CHST9: variants seen among roughly 807,000 people sequenced by gnomAD.
CHST9 encodes the protein carbohydrate sulfotransferase 9.
CHST9 carries 41 observed loss-of-function variants against 44.4 expected under a neutral mutation model. The observed-to-expected ratio is 0.92, with a 90% CI of 0.72 to 1.20. The LOEUF is 1.20. CHST9 is among the 50% of genes most tolerant of loss of function. The probability of loss-of-function intolerance (pLI) is 0.00; values close to 1 mark genes in which losing one functional copy is unlikely to be tolerated. For synonymous variants in CHST9, 171 were observed against 178.4 expected (o/e 0.96, Z 0.33); for missense variants, 504 against 516.5 (o/e 0.98, Z 0.23).
At chr18:27,086,142 A>G (rs7237325) in intron 2 of CHST9, among the ~76,000 whole-genome samples, 14,420 of 152,174 alleles carry the variant, frequency 0.095, 703 homozygotes, top group East Asian at 0.14. Flanking sequence ...GGAGGGTAAG[A>G]GTCTAAAAAC....
At chr18:26,987,693 C>A (rs2056770291) in intron 4 of CHST9, among the ~76,000 whole-genome samples, 1 of 152,100 alleles carries the variant, frequency 6.6e-6, no homozygotes, top group Admixed American at 6.6e-5. Flanking sequence ...GAAACCTAAC[C>A]CCAAAGGTAA....
chr18:26,919,258 C>T (rs1252938198), intron 5 of CHST9, among the ~76,000 whole-genome samples: 2 of 152,174 alleles, frequency 1.3e-5, no homozygotes, highest in African/African-American at 4.8e-5. Flanking sequence ...CCAAATCTTC[C>T]ATACCATTGG....
chr18:27,147,370 A>T (rs1446194526), intron 1 of CHST9, among the ~76,000 whole-genome samples: 1 of 152,066 alleles, frequency 6.6e-6, no homozygotes, highest in Non-Finnish European at 1.5e-5. Flanking sequence ...CCCAGCAGAC[A>T]TTTATGATTT....
intron 2 of CHST9, among the ~76,000 whole-genome samples, chr18:27,111,116 C>T (rs561315170): frequency 4.6e-5 from 7 of 152,270 alleles, no homozygotes; most frequent in East Asian, 1.9e-4. Flanking sequence ...CCTGATGCTG[C>T]GGGGCTGATG....
At chr18:26,964,708 C>A (rs1405615166) in intron 4 of CHST9, among the ~76,000 whole-genome samples, 1 of 152,252 alleles carries the variant, frequency 6.6e-6, no homozygotes, top group Non-Finnish European at 1.5e-5. Context: ...CAAATACCAC[C>A]TTCTTCCATG....
chr18:26,987,701 TA>T (rs1223351012), intron 4 of CHST9, among the ~76,000 whole-genome samples: 3 of 152,050 alleles, frequency 2.0e-5, no homozygotes, highest in Non-Finnish European at 4.4e-5. Context: ...ACCCCAAAGG[TA>T]ATGGCACTGG....
At chr18:27,090,361 G>A (rs1394632961) in intron 2 of CHST9, among the ~76,000 whole-genome samples, 2 of 151,944 alleles carry the variant, frequency 1.3e-5, no homozygotes, top group African/African-American at 4.8e-5. Flanking sequence ...TTGTCAGATG[G>A]GTAGATTGCA....
intron 5 of CHST9, chr18:26,935,207 G>A (rs2055966047): frequency 6.6e-6 from 1 of 152,112 alleles, no homozygotes; most frequent in Non-Finnish European, 1.5e-5. Flanking sequence ...AACCAGATGA[G>A]GCTTTATTGT....
rs939724445 is a variant in CHST9 at position 26,912,735 on chromosome 18, T to C, written c.*3524A>G. On this transcript the variant is annotated 3_prime_UTR_variant, in exon 6 of 6. Transcript: ENST00000618847. The stretch of plus-strand genomic sequence containing the variant: ...TAATGCATGTAAACTACTTGAAGAG[T>C]GCCTGACACCCAGTAAGTATTGAAT... 8.5e-5 allele frequency: 13 copies of C among 152,178 alleles called. No homozygotes were observed. Among genetic ancestry groups the C allele is most frequent in the African/African-American group, 3.1e-4 (13 of 41,440 alleles). The allele number at this position is 152,178 out of a possible 1,614,324, so 9.4% of individuals were successfully genotyped here.
At chr18:27,054,734 C>A (rs981689940) in intron 2 of CHST9, among the ~76,000 whole-genome samples, 1 of 152,072 alleles carries the variant, frequency 6.6e-6, no homozygotes, top group Non-Finnish European at 1.5e-5. Flanking sequence ...TGCTGTCTCA[C>A]CAATAATGAG....
intron 3 of CHST9, among the ~76,000 whole-genome samples, chr18:27,033,657 T>C (rs1194816948): frequency 6.6e-6 from 1 of 152,236 alleles, no homozygotes; most frequent in Non-Finnish European, 1.5e-5. Flanking sequence ...TTGTTTTTTA[T>C]GCTATGGGCC....
chr18:27,103,011 T>C (rs1233135616), intron 2 of CHST9, among the ~76,000 whole-genome samples: 2 of 152,198 alleles, frequency 1.3e-5, no homozygotes, highest in Admixed American at 6.5e-5. Context: ...AGTAGCCAAA[T>C]GTATTCTTGT....
chr18:27,051,801 G>A (rs1376293730), intron 2 of CHST9, among the ~76,000 whole-genome samples: 2 of 152,204 alleles, frequency 1.3e-5, no homozygotes, highest in Non-Finnish European at 1.5e-5. Context: ...CCTGAGATAA[G>A]TGTTAAATAT....
intron 4 of CHST9, among the ~76,000 whole-genome samples, chr18:27,006,300 C>T (rs1041935082): frequency 3.9e-5 from 6 of 152,064 alleles, no homozygotes; most frequent in African/African-American, 1.4e-4. Context: ...TTTCAGAGCT[C>T]TCTAAAATTT....
intron 1 of CHST9, among the ~76,000 whole-genome samples, chr18:27,154,553 G>T (rs2058683611): frequency 2.0e-5 from 3 of 152,104 alleles, no homozygotes; most frequent in Admixed American, 2.0e-4. Flanking sequence ...AAATAAAGAA[G>T]ACCACAGGCA....
intron 1 of CHST9, among the ~76,000 whole-genome samples, chr18:27,158,749 C>T (rs2058719245): frequency 6.9e-6 from 1 of 145,108 alleles, no homozygotes. Flanking sequence ...TATTTCTCCA[C>T]ATCCTCTCCA....
At chr18:27,053,130 G>GGAAGAAGAAGAAGAAGAAGAAGAA (rs200427246) in intron 2 of CHST9, among the ~76,000 whole-genome samples, 16 of 71,228 alleles carry the variant, frequency 2.2e-4, no homozygotes, top group South Asian at 6.2e-4. Flanking sequence ...AGGAAGAAGA[G>GGAAGAAGAAGAAGAAGAAGAAGAA]GAAGAAGAAG....
intron 4 of CHST9, among the ~76,000 whole-genome samples, chr18:26,963,931 C>T (rs1202707926): frequency 6.6e-6 from 1 of 152,130 alleles, no homozygotes; most frequent in Non-Finnish European, 1.5e-5. Context: ...CTGTTATATG[C>T]ATTATCTCTT....
At chr18:26,952,584 C>T (rs2056264930) in intron 4 of CHST9, 6 of 358,878 alleles carry the variant, frequency 1.7e-5, no homozygotes, top group Admixed American at 3.6e-5. Flanking sequence ...TAGGCTCTAA[C>T]GTGTGAAATA....
Sources: allele counts gnomAD v4.1 joint callset (sites outside exome capture counted in the v4.1 genomes callset), GRCh38; gene constraint gnomAD v4.1.1; transcripts MANE v1.5; gene names NCBI Gene and HGNC (gene_info 2026-07-23, HGNC 2026-07-21).